The following DSC3 variants were observed in gnomAD, a reference collection of about 807,000 sequenced individuals.
DSC3 encodes the protein desmocollin 3, also known as desmocollin-3.
A neutral mutation model predicts 89.5 loss-of-function variants in DSC3; 97 were observed. That is an observed-to-expected ratio of 1.08 (90% CI 0.92 to 1.28). The LOEUF (loss-of-function observed/expected upper bound fraction) is 1.28, where lower values mean the gene tolerates loss of function less well. DSC3 is among the 50% of genes most tolerant of loss of function. The pLI, the probability that DSC3 is intolerant of heterozygous loss-of-function variation, is 0.00. For missense variants in DSC3, 1,199 were observed against 1,085.3 expected, an observed-to-expected ratio of 1.10 and a Z score of -1.47; for synonymous variants, 436 against 384.1, an observed-to-expected ratio of 1.14 and a Z score of -1.58.
intron 9 of DSC3, among the ~76,000 whole-genome samples, chr18:31,015,184 A>T (rs1985194336): frequency 1.3e-5 from 2 of 152,154 alleles, no homozygotes; most frequent in Admixed American, 1.3e-4. Context: ...ATGTATATAA[A>T]TGTATTGGGG....
chr18:31,028,301 T>C (rs1007790363), intron 4 of DSC3, among the ~76,000 whole-genome samples: 2 of 151,984 alleles, frequency 1.3e-5, no homozygotes, highest in Admixed American at 1.3e-4. Flanking sequence ...ACGAATGGTG[T>C]CCTAGGAGCC....
chr18:31,023,912 G>A (rs1363593125), intron 6 of DSC3, among the ~76,000 whole-genome samples: 2 of 151,808 alleles, frequency 1.3e-5, no homozygotes, highest in South Asian at 2.1e-4. Flanking sequence ...AATATAAATA[G>A]GAGCATAAAA....
rs1984303594 is a variant in DSC3, at chr18:30,992,551, T to C, written c.*1624A>G. 1 of 152,344 alleles carries C rather than the reference T, an allele frequency of 6.6e-6. No homozygotes were observed. Among genetic ancestry groups the C allele is most frequent in the East Asian group, 1.9e-4 (1 of 5,166 alleles). 9.4% of individuals were successfully genotyped at this position (152,344 alleles called of 1,614,324 possible). A position where few individuals can be genotyped will look rare whatever the true frequency, so the allele number is the denominator to read the frequency against. Reference sequence around the variant, plus strand: ...GCAGTGCCAAGCCTAGGAAAAAGTATGAAGCAGACGATGTTGCTTTTACTC... The same window carrying C: ...GCAGTGCCAAGCCTAGGAAAAAGTACGAAGCAGACGATGTTGCTTTTACTC... On this transcript the variant is annotated 3_prime_UTR_variant, in exon 16 of 16. Transcript: ENST00000360428.
rs149007608 is a variant in DSC3 at position 31,028,256 on chromosome 18, C to T, written c.474+1253G>A. On this transcript the variant is annotated intron_variant, in intron 4 of 15. Coordinates refer to ENST00000360428, the MANE Select transcript of DSC3 (RefSeq NM_001941.5). ...GATGAGGAAGATCCAGCCAAACATACGAAGGAGTGATCAATGAAGTAAGTG... is the reference window on the plus strand; with the variant it reads ...GATGAGGAAGATCCAGCCAAACATATGAAGGAGTGATCAATGAAGTAAGTG... 2.1e-3 allele frequency among the ~76,000 whole-genome samples: 312 copies of T among 151,990 alleles called. 1 individual carries two copies. Among genetic ancestry groups the T allele is most frequent in the Non-Finnish European group, 3.3e-3 (223 of 67,960 alleles).
chr18:30,995,798 AC>A, intron 15 of DSC3, among the ~76,000 whole-genome samples: 1 of 151,704 alleles, frequency 6.6e-6, no homozygotes, highest in African/African-American at 2.4e-5. Flanking sequence ...ATGGCAAAAC[AC>A]CTTCTCCACA....
intron 1 of DSC3, among the ~76,000 whole-genome samples, chr18:31,033,786 T>C (rs1985880007): frequency 6.6e-6 from 1 of 152,228 alleles, no homozygotes; most frequent in South Asian, 2.1e-4. Context: ...TGCCACTTTC[T>C]TTACAAAAGT....
At chr18:31,019,958 CT>C (rs1876285665) in intron 7 of DSC3, among the ~76,000 whole-genome samples, 1 of 151,950 alleles carries the variant, frequency 6.6e-6, no homozygotes, top group South Asian at 2.1e-4. Context: ...AGGTGTCCCA[CT>C]TGGAGAGATA....
chr18:31,034,929 G>T (rs1242698605), intron 1 of DSC3, among the ~76,000 whole-genome samples: 1 of 152,060 alleles, frequency 6.6e-6, no homozygotes, highest in Non-Finnish European at 1.5e-5. Context: ...TAACAAAGGT[G>T]AATTTTATGG....
At chr18:31,025,020 C>A (rs1985550689) in intron 5 of DSC3, among the ~76,000 whole-genome samples, 1 of 152,150 alleles carries the variant, frequency 6.6e-6, no homozygotes, top group Non-Finnish European at 1.5e-5. Flanking sequence ...TTTTACTGAA[C>A]ATGTGATTAC....
At chr18:31,040,470 A>C (rs565508117) in intron 1 of DSC3, among the ~76,000 whole-genome samples, 1 of 152,270 alleles carries the variant, frequency 6.6e-6, no homozygotes, top group Admixed American at 6.5e-5. Context: ...AGATGCTCTG[A>C]TATACTTCTT....
rs1213007782 is a variant in DSC3 at position 30,993,496 on chromosome 18, GT to G, written c.*678del. The G allele has an allele frequency of 6.6e-6, 1 of 152,102 alleles. No homozygotes were observed. Among genetic ancestry groups the G allele is most frequent in the Non-Finnish European group, 1.5e-5 (1 of 68,038 alleles). 9.4% of individuals were successfully genotyped at this position (152,102 alleles called of 1,614,324 possible). On this transcript the variant is annotated 3_prime_UTR_variant, in exon 16 of 16. Coordinates refer to ENST00000360428, the MANE Select transcript of DSC3 (RefSeq NM_001941.5). ...TAGGAAGCTCTCTCTTTTTTCTATT[GT>G]AGGACAAACTATACCCCAGCCTCAT...
chr18:31,025,783 G>T lies in DSC3; in HGVS notation c.607C>A (p.Arg203Ser). 6.2e-7 allele frequency: 1 copy of T among 1,613,060 alleles called. No individual in the cohort carries two copies. ...ACATCAAAAACATCATATTCTTCAC[G>T]ATCCACAGGCCGAGTGCAAAATAGA... ...GNLFCTRPVD[R>S]EEYDVFDLIA... The change falls in exon 5 of 16, where the codon CGT (arginine) becomes AGT (serine). Residue 203 changes from arginine (R) to serine (S), a missense_variant. By Grantham distance (110) the Arg-to-Ser change is moderately radical. Coordinates refer to ENST00000360428, the MANE Select transcript of DSC3 (RefSeq NM_001941.5).
In DSC3 at chr18:30,989,400, G is replaced by A. The variant is rs1022156486; in HGVS notation, c.*4775C>T. 2.0e-5 allele frequency among the ~76,000 whole-genome samples: 3 copies of A among 152,104 alleles called. No homozygotes were observed. The highest frequency in any genetic ancestry group is 4.4e-5 in the Non-Finnish European group (3 of 68,018). Reference sequence around the variant, plus strand: ...TTCATTTATATGAATGTCCAGAGTAGGCAAATCCATAGAGACAGAAAAGAT... The same window carrying A: ...TTCATTTATATGAATGTCCAGAGTAAGCAAATCCATAGAGACAGAAAAGAT... On this transcript the variant is annotated 3_prime_UTR_variant, in exon 16 of 16. Coordinates refer to ENST00000360428, the MANE Select transcript of DSC3 (RefSeq NM_001941.5).
intron 9 of DSC3, among the ~76,000 whole-genome samples, chr18:31,008,898 GT>G (rs1051752711): frequency 1.4e-4 from 21 of 152,248 alleles, no homozygotes; most frequent in African/African-American, 5.1e-4. Flanking sequence ...AGTATGGGAA[GT>G]TGCCTTTATT....
At chr18:31,019,705 G>A (rs955601914) in intron 7 of DSC3, among the ~76,000 whole-genome samples, 5 of 152,026 alleles carry the variant, frequency 3.3e-5, no homozygotes, top group African/African-American at 1.2e-4. Flanking sequence ...GAGGCGGATG[G>A]ACCCTTGAGT....
chr18:30,996,694 C>G, intron 15 of DSC3, 97 bp downstream of exon 15: 1 of 1,469,790 alleles, frequency 6.8e-7, no homozygotes, highest in South Asian at 1.3e-5. Flanking sequence ...AGAGAGAGCC[C>G]ACAGAAAAAT....
intron 9 of DSC3, among the ~76,000 whole-genome samples, chr18:31,008,759 G>A (rs186617410): frequency 9.9e-5 from 15 of 152,124 alleles, no homozygotes; most frequent in African/African-American, 3.4e-4. Context: ...ACGAAATTCC[G>A]GAAATATTTT....
intron 14 of DSC3, among the ~76,000 whole-genome samples, chr18:30,998,022 A>T (rs1159851655): frequency 6.6e-6 from 1 of 152,246 alleles, no homozygotes; most frequent in African/African-American, 2.4e-5. Context: ...TATGCTAAAA[A>T]AATAGACTTT....
intron 3 of DSC3, among the ~76,000 whole-genome samples, chr18:31,030,137 A>G (rs1293936405): frequency 1.3e-5 from 2 of 152,182 alleles, no homozygotes; most frequent in Non-Finnish European, 2.9e-5. Flanking sequence ...ACTAAATAAC[A>G]TAAGAAGCTC....
Sources: gnomAD v4.1 joint callset for allele counts (sites outside exome capture counted in the v4.1 genomes callset) on GRCh38, gnomAD v4.1.1 for gene constraint, MANE v1.5 for transcripts, NCBI Gene and HGNC (gene_info 2026-07-23, HGNC 2026-07-21) for gene names.